Variants in NRK observed in about 807,000 individuals in gnomAD.
The protein encoded by NRK is nik-related protein kinase.
NRK carries 67 observed loss-of-function variants against 125.2 expected under a neutral mutation model. That is an observed-to-expected ratio of 0.54 (90% CI 0.44 to 0.66). The LOEUF (loss-of-function observed/expected upper bound fraction) is 0.66. Ranked by LOEUF, NRK falls within the 30% of genes least tolerant of loss-of-function variation. NRK has a pLI of 0.00. For synonymous variants in NRK, 458 were observed against 429.0 expected (o/e 1.07, Z -0.84); for missense variants, 1,224 against 1,192.9 (o/e 1.03, Z -0.38).
chrX:105,822,133 G>A (rs975834064), upstream of NRK, among the ~76,000 whole-genome samples: 1 of 112,746 alleles, frequency 8.9e-6, no homozygotes, highest in Non-Finnish European at 1.9e-5. Flanking sequence ...AAAGTCAGAA[G>A]TGTTTCTTGG....
intron 5 of NRK, among the ~76,000 whole-genome samples, chrX:105,891,034 C>G (rs1422236704): frequency 8.9e-6 from 1 of 111,819 alleles, no homozygotes; most frequent in Non-Finnish European, 1.9e-5. Context: ...ACCCAATGAA[C>G]TAATAAATAA....
chrX:105,905,368 T>A (rs1443404181), intron 10 of NRK, 25 bp downstream of exon 10: 13 of 1,046,429 alleles, frequency 1.2e-5, no homozygotes, highest in African/African-American at 1.8e-5. Flanking sequence ...CTTAATCTCC[T>A]AATTACATTG....
At chrX:105,940,882 C>A (rs1446129414) in intron 23 of NRK, among the ~76,000 whole-genome samples, 3 of 111,954 alleles carry the variant, frequency 2.7e-5, no homozygotes, top group Non-Finnish European at 5.6e-5. Context: ...TCTGTCCTGA[C>A]TGACCATTAT....
rs1222249896 is a variant in NRK, at chrX:105,957,475, A to AT, written c.*1881dup. On this transcript the variant is annotated 3_prime_UTR_variant, in exon 29 of 29. Transcript: ENST00000243300. ...GTAGAATCAAGTCTTTTAATAATTC[A>AT]TTTTTTCTTCATAATATTTACTCAA... 2 of 111,562 alleles carry AT rather than the reference A, an allele frequency of 1.8e-5. No homozygotes were observed. The highest frequency in any genetic ancestry group is 9.7e-5 in the Admixed American group (1 of 10,356). The allele number at this position is 111,562 out of a possible 1,213,427, so 9.2% of individuals were successfully genotyped here.
intron 14 of NRK, among the ~76,000 whole-genome samples, chrX:105,913,102 C>G (rs946840247): frequency 2.7e-5 from 3 of 111,694 alleles, no homozygotes; most frequent in Non-Finnish European, 5.7e-5. Flanking sequence ...TGAAAAACAG[C>G]TGGATTCTCA....
chrX:105,948,062 CT>C (rs1211439643), intron 26 of NRK, among the ~76,000 whole-genome samples: 1 of 111,223 alleles, frequency 9.0e-6, no homozygotes, highest in African/African-American at 3.3e-5. Context: ...TCTTCCGTAG[CT>C]TCCTGCATCT....
In NRK at chrX:105,899,689, C is replaced by T. The variant is rs760088219; in HGVS notation, c.712-929C>T. Among the ~76,000 whole-genome samples, 4 of 111,666 alleles carry T rather than the reference C, an allele frequency of 3.6e-5. No homozygotes were observed. In the South Asian group the frequency reaches 1.5e-3, roughly 42 times the overall value. ...TAAGCATAGACTATCACAACTCAAG[C>T]TAAGAAATCTATCAACTAGGGTTCT... On this transcript the variant is annotated intron_variant, in intron 8 of 28. Coordinates refer to ENST00000243300, the MANE Select transcript of NRK (RefSeq NM_198465.4).
At chrX:105,906,152 A>C (rs776671330) in intron 10 of NRK, among the ~76,000 whole-genome samples, 3 of 111,983 alleles carry the variant, frequency 2.7e-5, no homozygotes, top group Non-Finnish European at 5.6e-5. Flanking sequence ...TTTACCAGGT[A>C]CATACAGTTA....
chrX:105,942,405 GT>G (rs918833562), intron 23 of NRK, among the ~76,000 whole-genome samples: 7 of 111,371 alleles, frequency 6.3e-5, no homozygotes, highest in Admixed American at 1.9e-4. Context: ...GTAAATATCT[GT>G]TTTTTTATTC....
rs746664059 is a variant in NRK, at chrX:105,949,846, A to G, written c.4513+112A>G. On this transcript the variant is annotated intron_variant, in intron 27 of 28. Coordinates refer to ENST00000243300, the MANE Select transcript of NRK (RefSeq NM_198465.4). ...ATTACATTTTCTTAAGACACATAAG[A>G]TTAGTTTGGGGTTCTGCATAATTAT... 2.4e-3 allele frequency: 1,236 copies of G among 506,465 alleles called. 4 individuals carry two copies. Among genetic ancestry groups the G allele is most frequent in the Non-Finnish European group, 3.5e-3 (1,088 of 312,408 alleles). 41.7% of individuals were successfully genotyped at this position (506,465 alleles called of 1,213,427 possible). A position where few individuals can be genotyped will look rare whatever the true frequency, so the allele number is the denominator to read the frequency against.
intron 1 of NRK, 24 bp downstream of exon 1, chrX:105,822,926 C>T (rs1179963523): frequency 1.8e-6 from 2 of 1,130,191 alleles, no homozygotes; most frequent in East Asian, 3.3e-5. Flanking sequence ...GCCCGTCGCC[C>T]CCCGAAATGC....
intron 24 of NRK, among the ~76,000 whole-genome samples, chrX:105,944,433 C>A (rs2040786490): frequency 9.0e-6 from 1 of 111,458 alleles, no homozygotes; most frequent in African/African-American, 3.3e-5. Flanking sequence ...CTGTTTAACC[C>A]TTTTTTAGAC....
intron 5 of NRK, among the ~76,000 whole-genome samples, chrX:105,893,455 C>T (rs2040039838): frequency 8.9e-6 from 1 of 111,969 alleles, no homozygotes; most frequent in South Asian, 3.7e-4. Context: ...CCATTCCAGT[C>T]GTCACTTAGG....
At chrX:105,876,911 T>C (rs2039822995) in intron 2 of NRK, among the ~76,000 whole-genome samples, 1 of 111,702 alleles carries the variant, frequency 9.0e-6, no homozygotes, top group Admixed American at 9.5e-5. Context: ...CTAGGTTCTC[T>C]AGATAGGTGC....
intron 1 of NRK, among the ~76,000 whole-genome samples, chrX:105,830,450 T>C (rs1310794686): frequency 9.1e-6 from 1 of 109,776 alleles, no homozygotes; most frequent in East Asian, 2.9e-4. Context: ...CATAATTGTG[T>C]GCATTTTACA....
At position 105,921,946 on chromosome X, in the gene NRK, G is replaced by T; in HGVS notation, c.2513-18G>T. The stretch of plus-strand genomic sequence containing the variant: ...CTGTAATCACCATTGTTACTAATGT[G>T]TTTTTGGCATTCCATAGAATCTTCT... On this transcript the variant is annotated intron_variant, in intron 16 of 28. Coordinates refer to ENST00000243300, the MANE Select transcript of NRK (RefSeq NM_198465.4). 1.1e-6 allele frequency: 1 copy of T among 899,493 alleles called. No individual in the cohort carries two copies. Among genetic ancestry groups the T allele is most frequent in the Non-Finnish European group, 1.6e-6 (1 of 618,329 alleles). 74.1% of individuals were successfully genotyped at this position (899,493 alleles called of 1,213,427 possible).
In NRK at chrX:105,923,424, A is replaced by C. The variant is rs1175188684; in HGVS notation, c.2917A>C (p.Asn973His). 1 of 1,151,434 alleles carries C rather than the reference A, an allele frequency of 8.7e-7. No individual in the cohort carries two copies. The highest frequency in any genetic ancestry group is 1.9e-5 in the South Asian group (1 of 51,521). The allele number at this position is 1,151,434 out of a possible 1,213,427, so 94.9% of individuals were successfully genotyped here. Residue 973 changes from asparagine (N) to histidine (H), a missense_variant, in exon 18 of 29, where the codon AAC (asparagine) becomes CAC (histidine). Asn to His is a moderately conservative substitution (Grantham distance 68). Transcript: ENST00000243300. ...TGTTTGTAAAGACCATGATGATGAC[A>C]ACAATAAGTTTGTTGATGATGTAAA... ...NDVCKDHDDDNNKFVDDVNNN... is the reference protein window; with the variant it reads ...NDVCKDHDDDHNKFVDDVNNN...
chrX:105,826,334 G>A (rs1380524811), intron 1 of NRK, among the ~76,000 whole-genome samples: 1 of 78,253 alleles, frequency 1.3e-5, no homozygotes, highest in African/African-American at 5.1e-5. Context: ...ATATATAATA[G>A]ATAATATATA....
intron 7 of NRK, among the ~76,000 whole-genome samples, chrX:105,898,139 C>T (rs1303196174): frequency 8.9e-6 from 1 of 111,918 alleles, no homozygotes; most frequent in East Asian, 2.8e-4. Flanking sequence ...CAGAAAAACT[C>T]ATTTTTATTT....
Sources: gnomAD v4.1 joint callset for allele counts (sites outside exome capture counted in the v4.1 genomes callset) on GRCh38, gnomAD v4.1.1 for gene constraint, MANE v1.5 for transcripts, NCBI Gene and HGNC (gene_info 2026-07-23, HGNC 2026-07-21) for gene names.